SLC25A21: variants seen among roughly 807,000 people sequenced by gnomAD.
SLC25A21 encodes mitochondrial 2-oxodicarboxylate carrier.
SLC25A21 carries 47 observed loss-of-function variants against 43.8 expected under a neutral mutation model. The ratio of observed to expected loss-of-function variants is 1.07; its 90% CI spans 0.85 to 1.37. The LOEUF is 1.37. SLC25A21 is among the 40% of genes most tolerant of loss of function. The pLI, the probability that SLC25A21 is intolerant of heterozygous loss-of-function variation, is 0.00. For missense variants in SLC25A21, 352 were observed against 350.2 expected, an observed-to-expected ratio of 1.00 and a Z score of -0.04; for synonymous variants, 131 against 121.3, an observed-to-expected ratio of 1.08 and a Z score of -0.52.
intron 1 of SLC25A21, among the ~76,000 whole-genome samples, chr14:36,999,090 A>T (rs976384381): frequency 1.3e-5 from 2 of 152,126 alleles, no homozygotes; most frequent in African/African-American, 4.8e-5. Context: ...ACAAAAACCT[A>T]TATGGGATGT....
At chr14:36,903,255 T>C (rs1891442436) in intron 1 of SLC25A21, among the ~76,000 whole-genome samples, 1 of 152,126 alleles carries the variant, frequency 6.6e-6, no homozygotes, top group African/African-American at 2.4e-5. Context: ...TCAAGAGCCA[T>C]TTCATAGCTC....
intron 2 of SLC25A21, among the ~76,000 whole-genome samples, chr14:36,838,220 G>T (rs568593515): frequency 6.6e-6 from 1 of 152,322 alleles, no homozygotes; most frequent in South Asian, 2.1e-4. Flanking sequence ...GAGGATACGG[G>T]CTTGCTGATA....
chr14:36,783,587 T>G (rs901693538), intron 3 of SLC25A21, among the ~76,000 whole-genome samples: 1 of 152,242 alleles, frequency 6.6e-6, no homozygotes, highest in Admixed American at 6.5e-5. Context: ...CTCGCTTTCT[T>G]CTATGGGAGG....
intron 1 of SLC25A21, among the ~76,000 whole-genome samples, chr14:37,161,132 C>T (rs1963934054): frequency 6.6e-6 from 1 of 151,840 alleles, no homozygotes; most frequent in Non-Finnish European, 1.5e-5. Flanking sequence ...CTATTCATTA[C>T]ATACATGTAA....
chr14:36,738,393 T>C (rs527524643), intron 3 of SLC25A21, among the ~76,000 whole-genome samples: 42 of 152,344 alleles, frequency 2.8e-4, no homozygotes, highest in Non-Finnish European at 5.0e-4. Context: ...TTTGGCTTGC[T>C]GTGCAGAGCC....
At position 37,045,804 on chromosome 14, in the gene SLC25A21, C is replaced by T. The variant is rs568334822; in HGVS notation, c.70+126477G>A. Among the ~76,000 whole-genome samples the T allele has an allele frequency of 2.6e-5, 4 of 152,298 alleles. No homozygotes were observed. The South Asian group carries it at 8.3e-4, about 32-fold the overall frequency. ...CAGGGTTTTGAAGTCACAATTTCTC[C>T]ACTCTAGAGCATCCATGAAATGATC... On this transcript the variant is annotated intron_variant, in intron 1 of 9. Coordinates refer to ENST00000331299, the MANE Select transcript of SLC25A21 (RefSeq NM_030631.4).
rs193178729 is a variant in SLC25A21, at chr14:37,143,727, T to C, written c.70+28554A>G. On this transcript the variant is annotated intron_variant, in intron 1 of 9. Coordinates refer to ENST00000331299, the MANE Select transcript of SLC25A21 (RefSeq NM_030631.4). The stretch of plus-strand genomic sequence containing the variant: ...ATATTTGGGGTTCCATGAACACCTA[T>C]TGTGCTTTCCCCAGCATCTGGGGCA... Among the ~76,000 whole-genome samples the C allele has an allele frequency of 1.1e-3, 174 of 152,242 alleles. 1 individual carries two copies. The highest frequency in any genetic ancestry group is 3.7e-3 in the African/African-American group (154 of 41,544).
At chr14:36,997,816 T>C (rs1302113335) in intron 1 of SLC25A21, among the ~76,000 whole-genome samples, 8 of 134,210 alleles carry the variant, frequency 6.0e-5, no homozygotes, top group Admixed American at 5.9e-4. Flanking sequence ...TGAGACTCTG[T>C]CTCAAAAAAA....
intron 3 of SLC25A21, among the ~76,000 whole-genome samples, chr14:36,808,332 G>T (rs572115540): frequency 8.5e-5 from 13 of 152,268 alleles, no homozygotes; most frequent in African/African-American, 3.1e-4. Flanking sequence ...AATTATAAAG[G>T]ATGGGGCAAT....
chr14:36,743,221 G>A (rs1412691786), intron 3 of SLC25A21, among the ~76,000 whole-genome samples: 1 of 152,092 alleles, frequency 6.6e-6, no homozygotes, highest in Non-Finnish European at 1.5e-5. Context: ...CAACCAAAGA[G>A]GTGAATAGTA....
intron 1 of SLC25A21, among the ~76,000 whole-genome samples, chr14:37,068,480 G>A (rs1962105936): frequency 6.6e-6 from 1 of 152,126 alleles, no homozygotes; most frequent in Admixed American, 6.5e-5. Flanking sequence ...AGAGTTATAT[G>A]TGTTTTGCTG....
At chr14:37,075,919 A>G (rs2415378) in intron 1 of SLC25A21, among the ~76,000 whole-genome samples, 74,087 of 152,120 alleles carry the variant, frequency 0.49, 21,107 homozygotes, top group African/African-American at 0.8. Flanking sequence ...TTTTGAGCCT[A>G]GGACATTCAT....
intron 7 of SLC25A21, 23 bp from the exon 8 acceptor site, chr14:36,684,948 T>C (rs2139140631): frequency 6.3e-7 from 1 of 1,596,962 alleles, no homozygotes; most frequent in Non-Finnish European, 8.5e-7. Flanking sequence ...AAGAATAATA[T>C]AACAGAAAGG....
chr14:37,165,182 AC>A (rs1306585716), intron 1 of SLC25A21, among the ~76,000 whole-genome samples: 2 of 152,030 alleles, frequency 1.3e-5, no homozygotes, highest in South Asian at 4.1e-4. Flanking sequence ...TTTGAGACCA[AC>A]CTGGCCAACA....
intron 1 of SLC25A21, among the ~76,000 whole-genome samples, chr14:36,911,834 G>A (rs1030041003): frequency 1.3e-5 from 2 of 152,038 alleles, no homozygotes; most frequent in Non-Finnish European, 2.9e-5. Flanking sequence ...AAGCTCCTAG[G>A]TTTTGGAATG....
intron 1 of SLC25A21, among the ~76,000 whole-genome samples, chr14:37,099,585 G>GT (rs1962777441): frequency 6.6e-6 from 1 of 151,958 alleles, no homozygotes; most frequent in Non-Finnish European, 1.5e-5. Context: ...CTGCCAGGAT[G>GT]TTCCCCCCGC....
chr14:37,101,214 TTTTC>T (rs1962811332), intron 1 of SLC25A21, among the ~76,000 whole-genome samples: 1 of 152,204 alleles, frequency 6.6e-6, no homozygotes, highest in South Asian at 2.1e-4. Context: ...CAGATATATC[TTTTC>T]TTTTTCACCT....
At chr14:37,014,855 T>G (rs1437218179) in intron 1 of SLC25A21, among the ~76,000 whole-genome samples, 2 of 152,054 alleles carry the variant, frequency 1.3e-5, no homozygotes, top group Admixed American at 1.3e-4. Flanking sequence ...ACACCTCAAT[T>G]AAGGCTCTTG....
intron 1 of SLC25A21, among the ~76,000 whole-genome samples, chr14:37,147,876 C>G (rs1471313800): frequency 1.6e-5 from 2 of 127,086 alleles, no homozygotes; most frequent in East Asian, 5.1e-4. Context: ...AGTCTCAACT[C>G]TGTAGCCCAG....
Sources: allele counts gnomAD v4.1 joint callset (sites outside exome capture counted in the v4.1 genomes callset), GRCh38; gene constraint gnomAD v4.1.1; transcripts MANE v1.5; gene names NCBI Gene and HGNC (gene_info 2026-07-23, HGNC 2026-07-21).